The following CFAP46 variants were observed in gnomAD, a reference collection of about 807,000 sequenced individuals.
The protein encoded by CFAP46 is cilia- and flagella-associated protein 46.
Under a neutral mutation model 325.7 loss-of-function variants are expected in CFAP46, and 245 were observed. The ratio of observed to expected loss-of-function variants is 0.75; its 90% CI spans 0.68 to 0.84. CFAP46 has a LOEUF of 0.84. CFAP46 is among the 40% of genes least tolerant of loss of function. The pLI, the probability that CFAP46 is intolerant of heterozygous loss-of-function variation, is 0.00. For missense variants in CFAP46, 3,346 were observed against 3,543.0 expected (o/e 0.94, Z 1.41); for synonymous variants, 1,523 against 1,495.9 (o/e 1.02, Z -0.42).
chr10:132,915,027 G>A (rs964952400), intron 17 of CFAP46, among the ~76,000 whole-genome samples: 1 of 152,258 alleles, frequency 6.6e-6, no homozygotes, highest in African/African-American at 2.4e-5. Context: ...ACGTGGACAG[G>A]GTCTGTCCGT....
chr10:132,860,936 G>A lies in CFAP46; in HGVS notation c.4937C>T (p.Ala1646Val). 1 of 1,550,706 alleles carries A rather than the reference G, an allele frequency of 6.4e-7. No homozygotes were observed. ...GTTTTTCTCCTTGTTGGCCAACTGT[G>A]CGAGGAGGAGCAGGCACTGGGCCTC... is the stretch of plus-strand genomic sequence containing the variant. ...CAEAQCLLLL[A>V]QLANKEKNYG... Residue 1646 changes from alanine (A) to valine (V), a missense_variant, in exon 36 of 58, where the codon GCA becomes GTA. Ala to Val is a moderately conservative substitution (Grantham distance 64). Transcript: ENST00000368586.
At chr10:132,887,922 C>T (rs1276036827) in intron 25 of CFAP46, among the ~76,000 whole-genome samples, 1 of 59,730 alleles carries the variant, frequency 1.7e-5, no homozygotes, top group African/African-American at 1.1e-4. Flanking sequence ...TCTTCTCTCT[C>T]CTCTCCTCTC....
At chr10:132,824,965 AGTG>A (rs1848010947) in intron 50 of CFAP46, among the ~76,000 whole-genome samples, 1 of 93,710 alleles carries the variant, frequency 1.1e-5, no homozygotes. Flanking sequence ...GTGCTGTGTG[AGTG>A]CTGATGTGTG....
intron 17 of CFAP46, among the ~76,000 whole-genome samples, chr10:132,916,337 A>G (rs1849637823): frequency 6.6e-6 from 1 of 152,196 alleles, no homozygotes; most frequent in African/African-American, 2.4e-5. Context: ...GGGTCTTGCG[A>G]GGAACGACGG....
rs761095735 is a variant in CFAP46 at position 132,918,438 on chromosome 10, G to A, written c.1941C>T (p.Pro647=). ...CCTCCGCGAACTTCCGCAGCAGGTCGGGGCACACCTGCCTCTGCAGGACGA... is the reference window on the plus strand; with the variant it reads ...CCTCCGCGAACTTCCGCAGCAGGTCAGGGCACACCTGCCTCTGCAGGACGA... The part of the protein sequence containing the change: ...PEVVLQRQVC[P]DLLRKFAEVG... Residue 647 remains proline (P), a synonymous_variant, in exon 16 of 58, where the codon CCC becomes CCT. Coordinates refer to ENST00000368586, the MANE Select transcript of CFAP46 (RefSeq NM_001200049.3). 9.0e-6 allele frequency: 14 copies of A among 1,549,118 alleles called. No homozygotes were observed. The highest frequency in any genetic ancestry group is 8.2e-5 in the African/African-American group (6 of 72,944).
At chr10:132,927,076 C>T (rs1490467551) in intron 9 of CFAP46, among the ~76,000 whole-genome samples, 1 of 152,170 alleles carries the variant, frequency 6.6e-6, no homozygotes, top group African/African-American at 2.4e-5. Context: ...TTGCTGAGCT[C>T]GGGGAAGATG....
chr10:132,821,654 ATGTGTGCTG>A (rs200594242), intron 50 of CFAP46, among the ~76,000 whole-genome samples: 18 of 89,622 alleles, frequency 2.0e-4, no homozygotes, highest in Non-Finnish European at 2.8e-4. Context: ...GTGAGTGCTG[ATGTGTGCTG>A]TGTGTGCTGT....
At chr10:132,909,395 G>A (rs1194286126) in intron 20 of CFAP46, among the ~76,000 whole-genome samples, 151 bp from the exon 21 acceptor site, 1 of 152,222 alleles carries the variant, frequency 6.6e-6, no homozygotes, top group Non-Finnish European at 1.5e-5. Flanking sequence ...TTTTGTAACT[G>A]TTGACCTGCA....
intron 24 of CFAP46, chr10:132,898,693 G>A (rs368617938): frequency 1.2e-4 from 63 of 542,832 alleles, no homozygotes; most frequent in South Asian, 3.1e-4. Context: ...CACTCTACCC[G>A]CTGCTGTGTG....
In CFAP46 at chr10:132,822,587, C is replaced by CTGTG. The variant is rs1194023517; in HGVS notation, c.7118-7677_7118-7674dup. 6.8e-5 allele frequency among the ~76,000 whole-genome samples: 8 copies of CTGTG among 116,792 alleles called. No individual in the cohort carries two copies. In the East Asian group the frequency reaches 1.9e-3, roughly 28 times the overall value. 76.6% of individuals were successfully genotyped at this position (116,792 alleles called of 152,430 possible). ...ATGTGTGCTGTGTGTGTGCTGTGTG[C>CTGTG]TGTGTGAGTGCTGATGTGTGCTGTG... On this transcript the variant is annotated intron_variant, in intron 50 of 57. Coordinates refer to ENST00000368586, the MANE Select transcript of CFAP46 (RefSeq NM_001200049.3).
chr10:132,913,186 G>C lies in CFAP46; in HGVS notation c.2193C>G (p.Ile731Met). The C allele has an allele frequency of 2.6e-6, 4 of 1,550,470 alleles. No individual in the cohort carries two copies. Among genetic ancestry groups the C allele is most frequent in the Non-Finnish European group, 8.7e-7 (1 of 1,147,012 alleles). Reference sequence around the variant, plus strand: ...CGTTCTGCACAATCCACGCCTCCTGGATCTCCTGTCCGATCTCTGCGGAGC... The same window carrying C: ...CGTTCTGCACAATCCACGCCTCCTGCATCTCCTGTCCGATCTCTGCGGAGC... ...WLRSAEIGQE[I>M]QEAWIVQNAV... The change falls in exon 18 of 58, where the codon ATC (isoleucine) becomes ATG (methionine). Residue 731 changes from isoleucine (I) to methionine (M), a missense_variant. Ile to Met is a conservative substitution (Grantham distance 10). Coordinates refer to ENST00000368586, the MANE Select transcript of CFAP46 (RefSeq NM_001200049.3).
chr10:132,909,062 C>T, intron 21 of CFAP46, 75 bp downstream of exon 21: 2 of 1,108,896 alleles, frequency 1.8e-6, no homozygotes, highest in Non-Finnish European at 1.3e-6. Context: ...GCTCGAGTTC[C>T]AGCCACCTAG....
In CFAP46 at chr10:132,814,250, C is replaced by T; in HGVS notation, c.7290G>A (p.Met2430Ile). Residue 2430 changes from methionine to isoleucine, a missense_variant, in exon 54 of 58, where the codon ATG (methionine) becomes ATA (isoleucine). Physicochemically the swap from Met to Ile is conservative, Grantham distance 10. Transcript: ENST00000368586. Reference protein sequence around the residue: ...DPYEEAQGPEMLTPVSITQDI... With the variant: ...DPYEEAQGPEILTPVSITQDI... ...CTTGGGTGATGGAGACAGGAGTTAG[C>T]ATTTCTGCAAGGAGAACAGGGTGGA... is the stretch of plus-strand genomic sequence containing the variant. 6.2e-7 allele frequency: 1 copy of T among 1,612,216 alleles called. No homozygotes were observed.
intron 17 of CFAP46, among the ~76,000 whole-genome samples, chr10:132,913,842 C>A (rs1039744244): frequency 6.6e-6 from 1 of 152,016 alleles, no homozygotes; most frequent in African/African-American, 2.4e-5. Flanking sequence ...TCCACCCAGC[C>A]CCCCGCCGGC....
intron 50 of CFAP46, among the ~76,000 whole-genome samples, chr10:132,829,811 G>T (rs763797562): frequency 6.6e-6 from 1 of 152,170 alleles, no homozygotes; most frequent in African/African-American, 2.4e-5. Context: ...TTATGAATGC[G>T]GTGAATTACA....
In CFAP46 at chr10:132,924,899, C is replaced by T. The variant is rs1264685709; in HGVS notation, c.1066-13G>A. On this transcript the variant is annotated splice_polypyrimidine_tract_variant and intron_variant, in intron 10 of 57. Coordinates refer to ENST00000368586, the MANE Select transcript of CFAP46 (RefSeq NM_001200049.3). ...TATCCAGCTGGGCCTGCGGAGAAGA[C>T]GTGGGGGATTCTAGGGAGGTTGCTG... 4.0e-5 allele frequency: 55 copies of T among 1,369,406 alleles called. No individual in the cohort carries two copies. Among genetic ancestry groups the T allele is most frequent in the African/African-American group, 6.1e-5 (4 of 65,374 alleles). 84.8% of individuals were successfully genotyped at this position (1,369,406 alleles called of 1,614,324 possible).
intron 17 of CFAP46, among the ~76,000 whole-genome samples, chr10:132,915,019 G>A (rs878969205): frequency 3.9e-5 from 6 of 152,282 alleles, no homozygotes; most frequent in South Asian, 2.1e-4. Flanking sequence ...CCGTGTGGAC[G>A]TGGACAGGGT....
intron 33 of CFAP46, among the ~76,000 whole-genome samples, chr10:132,868,846 A>G (rs1237467691): frequency 6.6e-6 from 1 of 152,264 alleles, no homozygotes; most frequent in Non-Finnish European, 1.5e-5. Flanking sequence ...GATTTGCTAC[A>G]CTAACGAGAG....
intron 24 of CFAP46, among the ~76,000 whole-genome samples, chr10:132,893,953 T>C (rs1849288540): frequency 6.7e-6 from 1 of 149,362 alleles, no homozygotes; most frequent in South Asian, 2.1e-4. Flanking sequence ...CACTTTGAGG[T>C]TGCTGCAGCC....
Sources: gnomAD v4.1 joint callset for allele counts (sites outside exome capture counted in the v4.1 genomes callset) on GRCh38, gnomAD v4.1.1 for gene constraint, MANE v1.5 for transcripts, NCBI Gene and HGNC (gene_info 2026-07-23, HGNC 2026-07-21) for gene names.